The following RIMKLB variants were observed in gnomAD, a reference collection of about 807,000 sequenced individuals.
RIMKLB encodes the protein ribosomal modification protein rimK like family member B, also known as beta-citrylglutamate synthase B.
A neutral mutation model predicts 32.0 loss-of-function variants in RIMKLB; 7 were observed. That is an observed-to-expected ratio of 0.22 (90% CI 0.12 to 0.41). The LOEUF is 0.41. RIMKLB is among the 10% of genes least tolerant of loss of function. The pLI is 1.00. For missense variants in RIMKLB, 289 were observed against 498.7 expected (o/e 0.58, Z 4.00); for synonymous variants, 172 against 185.1 (o/e 0.93, Z 0.57).
chr12:8,772,545 A>G (rs1950498102), intron 5 of RIMKLB, among the ~76,000 whole-genome samples: 1 of 152,242 alleles, frequency 6.6e-6, no homozygotes, highest in Non-Finnish European at 1.5e-5. Flanking sequence ...GGTACCTAAA[A>G]GAAGCCTTTT....
intron 2 of RIMKLB, among the ~76,000 whole-genome samples, chr12:8,743,698 C>A (rs935213509): frequency 2.0e-5 from 3 of 151,874 alleles, no homozygotes; most frequent in African/African-American, 7.3e-5. Flanking sequence ...GCTTTGACAA[C>A]AGCAGCAACC....
chr12:8,707,654 G>A (rs967456663), intron 1 of RIMKLB, among the ~76,000 whole-genome samples: 13 of 152,170 alleles, frequency 8.5e-5, no homozygotes, highest in African/African-American at 2.9e-4. Context: ...CTCTAATCAT[G>A]CCTTGGTCTT....
intron 5 of RIMKLB, among the ~76,000 whole-genome samples, chr12:8,766,312 A>G (rs1949956286): frequency 6.6e-6 from 1 of 152,150 alleles, no homozygotes; most frequent in Non-Finnish European, 1.5e-5. Context: ...CCACAAAGAA[A>G]GGGGTCCGGC....
chr12:8,778,201 C>G, downstream of RIMKLB, among the ~76,000 whole-genome samples: 1 of 152,046 alleles, frequency 6.6e-6, no homozygotes, highest in East Asian at 1.9e-4. Flanking sequence ...ATAAAGACAT[C>G]AATTAGGAGT....
intron 7 of RIMKLB, among the ~76,000 whole-genome samples, chr12:8,782,251 G>A (rs1394245235): frequency 6.6e-6 from 1 of 151,990 alleles, no homozygotes; most frequent in Non-Finnish European, 1.5e-5. Flanking sequence ...TAGGCATATT[G>A]GCACAATAAT....
chr12:8,769,891 C>G (rs1296070132), intron 5 of RIMKLB, among the ~76,000 whole-genome samples: 1 of 152,206 alleles, frequency 6.6e-6, no homozygotes, highest in Non-Finnish European at 1.5e-5. Flanking sequence ...TTCCTTCCTA[C>G]TCTTTCCACT....
rs1361700719 is a variant in RIMKLB, at chr12:8,775,451, T to A, written c.*1667T>A. On this transcript the variant is annotated 3_prime_UTR_variant, in exon 6 of 6. Transcript: ENST00000535829. ...GGAGATGCTGCAGAGCCCAACGTAA[T>A]TTTTTAAACAGCAAGTTTTCCATCT... is the stretch of plus-strand genomic sequence containing the variant. 2 of 985,544 alleles carry A rather than the reference T, an allele frequency of 2.0e-6. No homozygotes were observed. The highest frequency in any genetic ancestry group is 3.5e-5 in the African/African-American group (2 of 57,216). The allele number at this position is 985,544 out of a possible 1,614,324, so 61.0% of individuals were successfully genotyped here.
the RIMKLB span, among the ~76,000 whole-genome samples, chr12:8,672,098 C>G: frequency 6.5e-3 from 993 of 152,298 alleles, 14 homozygotes; most frequent in African/African-American, 0.023. Flanking sequence ...TAAAACATAA[C>G]AAGAGTTACC....
At chr12:8,674,893 T>C in the RIMKLB span, among the ~76,000 whole-genome samples, 1 of 145,804 alleles carries the variant, frequency 6.9e-6, no homozygotes, top group Non-Finnish European at 1.5e-5. Flanking sequence ...AGAGGGAGTC[T>C]GGCTCTGTCT....
At chr12:8,751,841 C>T in intron 3 of RIMKLB, 116 bp from the exon 4 acceptor site, 5 of 662,276 alleles carry the variant, frequency 7.5e-6, no homozygotes, top group Non-Finnish European at 1.3e-5. Context: ...AAAAGTTAGC[C>T]ATCAGGCTCT....
Position 8,757,470 on chromosome 12 carries a change from C to CAA in RIMKLB, c.697+3395_697+3396dup, listed in dbSNP as rs55670138. Among the ~76,000 whole-genome samples the CAA allele has an allele frequency of 1.1e-3, 82 of 71,368 alleles. 1 individual carries two copies. The highest frequency in any genetic ancestry group is 2.6e-3 in the African/African-American group (52 of 20,240). The allele number at this position is 71,368 out of a possible 152,430, so 46.8% of individuals were successfully genotyped here. ...TAGGTGACACAGCAAGACCCTGTCT[C>CAA]AAAAAAAAAAAAAAAAAAAGTTGTT... is the stretch of plus-strand genomic sequence containing the variant. On this transcript the variant is annotated intron_variant, in intron 5 of 5. Coordinates refer to ENST00000535829, the MANE Select transcript of RIMKLB (RefSeq NM_001297776.2).
rs1950629603 is a variant in RIMKLB at position 8,774,783 on chromosome 12, T to G, written c.*999T>G. 1 of 985,558 alleles carries G rather than the reference T, an allele frequency of 1.0e-6. No individual in the cohort carries two copies. The highest frequency in any genetic ancestry group is 6.2e-5 in the Admixed American group (1 of 16,258). The allele number at this position is 985,558 out of a possible 1,614,324, so 61.1% of individuals were successfully genotyped here. A position where few individuals can be genotyped will look rare whatever the true frequency, so the allele number is the denominator to read the frequency against. On this transcript the variant is annotated 3_prime_UTR_variant, in exon 6 of 6. Coordinates refer to ENST00000535829, the MANE Select transcript of RIMKLB (RefSeq NM_001297776.2). ...AAGGAAAAATATTTTTGGGGGCAAA[T>G]CAAGAGCCTATGAGTTCTAAGTATA...
At chr12:8,780,898 A>G (rs945755796), downstream of RIMKLB, among the ~76,000 whole-genome samples, 2 of 152,242 alleles carry the variant, frequency 1.3e-5, no homozygotes, top group African/African-American at 4.8e-5. Flanking sequence ...ACTTTGAATA[A>G]TAACTAATAG....
chr12:8,749,701 C>A (rs74967973), intron 2 of RIMKLB, among the ~76,000 whole-genome samples, 161 bp from the exon 3 acceptor site: 1,827 of 152,100 alleles, frequency 0.012, 50 homozygotes, highest in African/African-American at 0.042. Flanking sequence ...AGAGATTTTT[C>A]TAATTAAATT....
At chr12:8,771,222 C>T (rs1158136394) in intron 5 of RIMKLB, among the ~76,000 whole-genome samples, 1 of 152,080 alleles carries the variant, frequency 6.6e-6, no homozygotes, top group East Asian at 1.9e-4. Context: ...CCCAGCAAGG[C>T]CTGTATGTTC....
chr12:8,707,460 C>T (rs1386361308), intron 1 of RIMKLB, among the ~76,000 whole-genome samples: 3 of 152,220 alleles, frequency 2.0e-5, no homozygotes, highest in Non-Finnish European at 2.9e-5. Context: ...CTGGGTGCGT[C>T]ACCCTCCAGG....
intron 1 of RIMKLB, among the ~76,000 whole-genome samples, chr12:8,682,521 C>T (rs1039549018): frequency 1.3e-5 from 2 of 151,948 alleles, no homozygotes; most frequent in African/African-American, 4.8e-5. Context: ...GCCTGTAATC[C>T]CAGCACTTTG....
chr12:8,752,859 G>T (rs1030866393), intron 4 of RIMKLB, among the ~76,000 whole-genome samples: 2 of 151,808 alleles, frequency 1.3e-5, no homozygotes, highest in Non-Finnish European at 2.9e-5. Flanking sequence ...TCCTGCCTCA[G>T]CCTCCCAAGT....
chr12:8,761,793 C>T (rs867754739), intron 5 of RIMKLB, among the ~76,000 whole-genome samples: 5 of 152,060 alleles, frequency 3.3e-5, no homozygotes, highest in African/African-American at 1.2e-4. Context: ...GGTTGGCTGA[C>T]GACTGCTTTT....
Sources: gnomAD v4.1 joint callset for allele counts (sites outside exome capture counted in the v4.1 genomes callset) on GRCh38, gnomAD v4.1.1 for gene constraint, MANE v1.5 for transcripts, NCBI Gene and HGNC (gene_info 2026-07-23, HGNC 2026-07-21) for gene names.